Variants in GRIN2A observed in about 807,000 individuals in gnomAD.
GRIN2A encodes the protein glutamate ionotropic receptor NMDA type subunit 2A, also known as glutamate receptor ionotropic, NMDA 2A.
GRIN2A carries 22 observed loss-of-function variants against 113.4 expected under a neutral mutation model. The observed-to-expected ratio is 0.19, with a 90% CI of 0.14 to 0.28. The LOEUF (loss-of-function observed/expected upper bound fraction) is 0.28, where lower values mean the gene tolerates loss of function less well. GRIN2A is among the 10% of genes least tolerant of loss of function. The pLI, the probability that GRIN2A is intolerant of heterozygous loss-of-function variation, is 1.00. For missense variants in GRIN2A, 1,502 were observed against 1,887.0 expected (o/e 0.80, Z 3.78); for synonymous variants, 827 against 738.4 (o/e 1.12, Z -1.94).
At chr16:9,773,121 A>C (rs1901380761) in intron 11 of GRIN2A, among the ~76,000 whole-genome samples, 1 of 152,044 alleles carries the variant, frequency 6.6e-6, no homozygotes, top group African/African-American at 2.4e-5. Context: ...ATCAGGGACC[A>C]TGTTTTATGG....
chr16:9,793,655 C>A (rs928735843), intron 11 of GRIN2A, among the ~76,000 whole-genome samples: 1 of 152,056 alleles, frequency 6.6e-6, no homozygotes, highest in African/African-American at 2.4e-5. Flanking sequence ...CACGTGTTTT[C>A]TTTATGAATC....
chr16:9,766,281 C>T (rs558098069), intron 12 of GRIN2A, among the ~76,000 whole-genome samples: 9 of 152,322 alleles, frequency 5.9e-5, no homozygotes, highest in East Asian at 1.9e-4. Context: ...GTGGCTCCAT[C>T]GGTCCCCCAT....
intron 2 of GRIN2A, among the ~76,000 whole-genome samples, chr16:10,127,345 C>T (rs1472204867): frequency 6.6e-6 from 1 of 152,122 alleles, no homozygotes; most frequent in Middle Eastern, 3.2e-3. Context: ...TGTGGAGCTC[C>T]TTACCATCCT....
chr16:9,840,605 A>T (rs1014099099), intron 7 of GRIN2A, 42 bp downstream of exon 7: 1 of 1,586,408 alleles, frequency 6.3e-7, no homozygotes, highest in Non-Finnish European at 8.7e-7. Context: ...ATTTCCTACA[A>T]TTCCTTATAG....
intron 11 of GRIN2A, among the ~76,000 whole-genome samples, chr16:9,782,321 T>C (rs974839389): frequency 6.6e-6 from 1 of 152,238 alleles, no homozygotes; most frequent in African/African-American, 2.4e-5. Flanking sequence ...GTGCATAGAT[T>C]ATATTCAAAT....
intron 2 of GRIN2A, among the ~76,000 whole-genome samples, chr16:9,964,718 A>G (rs1474183184): frequency 6.6e-6 from 1 of 152,120 alleles, no homozygotes; most frequent in African/African-American, 2.4e-5. Context: ...CTCTGTCCAC[A>G]TCCTGGAAAA....
At chr16:9,890,923 G>T in intron 4 of GRIN2A, 63 bp downstream of exon 4, 1 of 991,312 alleles carries the variant, frequency 1.0e-6, no homozygotes, top group Non-Finnish European at 1.6e-6. Context: ...GAAGCACTGT[G>T]AGCCCCTTTA....
chr16:9,823,400 G>C (rs1372419482), intron 9 of GRIN2A, among the ~76,000 whole-genome samples: 4 of 152,256 alleles, frequency 2.6e-5, no homozygotes, highest in Middle Eastern at 3.4e-3. Context: ...TCTGTAGAGT[G>C]GGGGGCCACC....
intron 11 of GRIN2A, among the ~76,000 whole-genome samples, chr16:9,795,281 T>A (rs1567302920): frequency 6.6e-6 from 1 of 152,118 alleles, no homozygotes; most frequent in Non-Finnish European, 1.5e-5. Context: ...AAAACCAAGA[T>A]GGCCATGAGA....
intron 11 of GRIN2A, among the ~76,000 whole-genome samples, chr16:9,780,398 G>A (rs1026031610): frequency 2.6e-5 from 4 of 151,686 alleles, no homozygotes; most frequent in African/African-American, 4.8e-5. Flanking sequence ...ACCCAGCAAC[G>A]AAAAAAAATA....
At chr16:10,054,806 G>A (rs1212150814) in intron 2 of GRIN2A, among the ~76,000 whole-genome samples, 2 of 151,918 alleles carry the variant, frequency 1.3e-5, no homozygotes, top group African/African-American at 4.8e-5. Flanking sequence ...CTACCATTTT[G>A]GGAGGCCGAG....
intron 10 of GRIN2A, among the ~76,000 whole-genome samples, chr16:9,817,674 A>G (rs2042210089): frequency 1.3e-5 from 2 of 152,264 alleles, no homozygotes; most frequent in African/African-American, 4.8e-5. Flanking sequence ...CTAATGCTCG[A>G]GTCCAGACTC....
chr16:10,032,395 T>C (rs1395246260), intron 2 of GRIN2A, among the ~76,000 whole-genome samples: 2 of 152,344 alleles, frequency 1.3e-5, no homozygotes, highest in Non-Finnish European at 2.9e-5. Context: ...AAGCCTTTCA[T>C]CTAATTTGAT....
chr16:9,913,764 T>A (rs2044189141), intron 3 of GRIN2A, among the ~76,000 whole-genome samples: 1 of 151,948 alleles, frequency 6.6e-6, no homozygotes, highest in Middle Eastern at 3.4e-3. Context: ...AGGTCCAACT[T>A]TTTTTTTAGC....
At position 10,059,989 on chromosome 16, in the gene GRIN2A, C is replaced by T. The variant is rs569752749; in HGVS notation, c.414+120009G>A. On this transcript the variant is annotated intron_variant, in intron 2 of 12. Transcript: ENST00000330684. ...TGGAGGAAAAGGGGGATGCAGGAGA[C>T]ATTACCAAAGTTCAGAAGCTGGGTC... Among the ~76,000 whole-genome samples, 5 of 152,104 alleles carry T rather than the reference C, an allele frequency of 3.3e-5. No homozygotes were observed. In the East Asian group the frequency reaches 9.7e-4, roughly 29 times the overall value.
chr16:9,947,538 G>A (rs1262594985), intron 2 of GRIN2A, among the ~76,000 whole-genome samples: 2 of 152,212 alleles, frequency 1.3e-5, no homozygotes, highest in Admixed American at 1.3e-4. Context: ...GGCCCTGGTG[G>A]TAAACATTAT....
intron 3 of GRIN2A, among the ~76,000 whole-genome samples, chr16:9,904,502 G>C (rs2043991290): frequency 6.6e-6 from 1 of 152,068 alleles, no homozygotes; most frequent in Non-Finnish European, 1.5e-5. Flanking sequence ...CTCCCCAGTA[G>C]CTGGGATTAC....
chr16:10,050,439 G>C (rs1398207809), intron 2 of GRIN2A, among the ~76,000 whole-genome samples: 1 of 152,126 alleles, frequency 6.6e-6, no homozygotes, highest in Non-Finnish European at 1.5e-5. Context: ...CCTCCTGTCA[G>C]ATAAGTGGCA....
chr16:9,858,860 G>C (rs1330220315), intron 4 of GRIN2A, among the ~76,000 whole-genome samples: 1 of 152,176 alleles, frequency 6.6e-6, no homozygotes, highest in Non-Finnish European at 1.5e-5. Flanking sequence ...AAGGCTGGAA[G>C]AAATTAGGTT....
Sources: allele counts gnomAD v4.1 joint callset (sites outside exome capture counted in the v4.1 genomes callset), GRCh38; gene constraint gnomAD v4.1.1; transcripts MANE v1.5; gene names NCBI Gene and HGNC (gene_info 2026-07-23, HGNC 2026-07-21).